CCDC187: variants seen among roughly 807,000 people sequenced by gnomAD.
CCDC187 encodes coiled-coil domain-containing protein 187.
In CCDC187, 32 loss-of-function variants were observed where a neutral mutation model predicts 38.0. The ratio of observed to expected loss-of-function variants is 0.84; its 90% CI spans 0.64 to 1.13. The LOEUF (loss-of-function observed/expected upper bound fraction) is 1.13. CCDC187 is among the 50% of genes most tolerant of loss of function. CCDC187 has a pLI of 0.00. For missense variants in CCDC187, 707 were observed against 786.8 expected (o/e 0.90, Z 1.21); for synonymous variants, 333 against 347.9 (o/e 0.96, Z 0.48).
rs1258473080 is a variant in CCDC187, at chr9:136,264,147, T to G, written c.3736-349A>C. The G allele has an allele frequency of 1.3e-5, 2 of 152,510 alleles. No individual in the cohort carries two copies. Among genetic ancestry groups the G allele is most frequent in the Admixed American group, 1.3e-4 (2 of 15,296 alleles). The allele number at this position is 152,510 out of a possible 1,614,324, so 9.4% of individuals were successfully genotyped here. ...GTCACTCCTTTACAACTGTTCTTTC[T>G]GTTCCCCACAGCGTCCCTGGTGGAC... On this transcript the variant is annotated intron_variant, in intron 17 of 25. Coordinates refer to ENST00000638797, the MANE Select transcript of CCDC187 (RefSeq NM_001378188.1). This position sits in a 1 kb window ranked among gnomAD's most constrained non-coding sequence, Gnocchi z 4.3.
At chr9:136,284,981 G>T (rs1248860391) in intron 9 of CCDC187, among the ~76,000 whole-genome samples, 1 of 152,126 alleles carries the variant, frequency 6.6e-6, no homozygotes, top group Non-Finnish European at 1.5e-5. Context: ...TCCCCCAGGG[G>T]GAGGGAGTTG....
rs1034916711 is a variant in CCDC187, at chr9:136,292,055, C to T, written c.967+106G>A. On this transcript the variant is annotated intron_variant, in intron 5 of 25. Coordinates refer to ENST00000638797, the MANE Select transcript of CCDC187 (RefSeq NM_001378188.1). ...TGCAGGCTGCTGTGAGAGGCGCCAACACCTCTTCCTTCCAGGCGGCCTGGA... is the reference window on the plus strand; with the variant it reads ...TGCAGGCTGCTGTGAGAGGCGCCAATACCTCTTCCTTCCAGGCGGCCTGGA... 1,379 of 398,086 alleles carry T rather than the reference C, an allele frequency of 3.5e-3. 7 individuals are homozygous for T. Among genetic ancestry groups the T allele is most frequent in the Non-Finnish European group, 3.9e-3 (882 of 226,046 alleles). The allele number at this position is 398,086 out of a possible 1,614,324, so 24.7% of individuals were successfully genotyped here.
intron 9 of CCDC187, among the ~76,000 whole-genome samples, chr9:136,284,435 G>A (rs986692272): frequency 8.5e-5 from 13 of 152,282 alleles, no homozygotes; most frequent in South Asian, 4.1e-4. Context: ...TGCTTGCCCC[G>A]CCCGTGGTGC....
At chr9:136,268,685 G>A (rs546551208) in intron 14 of CCDC187, among the ~76,000 whole-genome samples, 1 of 152,150 alleles carries the variant, frequency 6.6e-6, no homozygotes, top group Admixed American at 6.5e-5. Flanking sequence ...AAAAAATCAC[G>A]TAAATACACA....
intron 5 of CCDC187, among the ~76,000 whole-genome samples, chr9:136,291,922 G>A (rs1473345004): frequency 6.6e-6 from 1 of 152,220 alleles, no homozygotes; most frequent in Non-Finnish European, 1.5e-5. Context: ...TGCCTGCCCC[G>A]GGAACTGGCG....
At chr9:136,285,846 G>A in intron 8 of CCDC187, 1 of 397,124 alleles carries the variant, frequency 2.5e-6, no homozygotes, top group Non-Finnish European at 4.4e-6. Context: ...AGCTGCTGCG[G>A]GTGCCATGTG....
At chr9:136,299,734 C>T (rs1016076460) in intron 3 of CCDC187, among the ~76,000 whole-genome samples, 1 of 152,210 alleles carries the variant, frequency 6.6e-6, no homozygotes, top group South Asian at 2.1e-4. Context: ...GCCCTTGGCC[C>T]CAGCCCCTTC....
At chr9:136,256,166 C>T (rs1330387363) in intron 24 of CCDC187, 45 bp downstream of exon 24, 3 of 952,868 alleles carry the variant, frequency 3.1e-6, no homozygotes, top group East Asian at 1.2e-4. Flanking sequence ...AACCCGTCTC[C>T]GTGCCTCACG....
chr9:136,291,510 A>T lies in CCDC187; in HGVS notation c.1103T>A (p.Ile368Lys), dbSNP rs1476730354. ...SLASFDQPATIQTAMAILQDL... is the reference protein window; with the variant it reads ...SLASFDQPATKQTAMAILQDL... ...TTGTAGGATGGCCATGGCCGTCTGT[A>T]TGGTCGCTGGCTGGTCGAAGGAAGC... is the stretch of plus-strand genomic sequence containing the variant. Residue 368 changes from isoleucine (I) to lysine (K), a missense_variant, in exon 6 of 26, where the codon ATA becomes AAA. Transcript: ENST00000638797. The T allele has an allele frequency of 1.5e-5, 6 of 398,516 alleles. No homozygotes were observed. Among genetic ancestry groups the T allele is most frequent in the Non-Finnish European group, 2.7e-5 (6 of 226,132 alleles). 24.7% of individuals were successfully genotyped at this position (398,516 alleles called of 1,614,324 possible).
At position 136,300,249 on chromosome 9, in the gene CCDC187, A is replaced by G; in HGVS notation, c.695T>C (p.Leu232Pro). 2.5e-6 allele frequency: 1 copy of G among 398,644 alleles called. No individual in the cohort carries two copies. The highest frequency in any genetic ancestry group is 3.6e-5 in the East Asian group (1 of 28,082). 24.7% of individuals were successfully genotyped at this position (398,644 alleles called of 1,614,324 possible). Residue 232 changes from leucine (L) to proline (P), a missense_variant, in exon 3 of 26, where the codon CTC becomes CCC. Leu to Pro is a moderately conservative substitution (Grantham distance 98, BLOSUM62 -3). Transcript: ENST00000638797. ...AKASHGQGRELSRVSQHQVPV... is the reference protein window; with the variant it reads ...AKASHGQGREPSRVSQHQVPV... ...AACCTGGTGCTGGGAGACCCTGGAG[A>G]GCTCGCGCCCCTGGCCGTGGGATGC...
intron 7 of CCDC187, among the ~76,000 whole-genome samples, chr9:136,289,711 A>C (rs1372580536): frequency 6.6e-6 from 1 of 152,078 alleles, no homozygotes; most frequent in Non-Finnish European, 1.5e-5. Flanking sequence ...ATGCCACGGA[A>C]CGTGCACTTT....
intron 4 of CCDC187, among the ~76,000 whole-genome samples, chr9:136,293,381 A>ATG (rs1831411707): frequency 1.5e-5 from 2 of 137,710 alleles, no homozygotes; most frequent in Admixed American, 7.3e-5. Context: ...ACACACTCAC[A>ATG]CTCACATGCT....
rs1588678652 is a variant in CCDC187 at position 136,302,979 on chromosome 9, T to C, written c.458A>G (p.Glu153Gly). 2 of 398,728 alleles carry C rather than the reference T, an allele frequency of 5.0e-6. No homozygotes were observed. The highest frequency in any genetic ancestry group is 8.8e-6 in the Non-Finnish European group (2 of 226,170). The allele number at this position is 398,728 out of a possible 1,614,324, so 24.7% of individuals were successfully genotyped here. ...QRPRKSDARL[E>G]QLRDKIRAQA... is the part of the protein sequence containing the mutation. Reference sequence around the variant, plus strand: ...GGCCCGGATCTTGTCTCTCAGCTGCTCCAGCCGCGCGTCACTCTTTCTGGG... The same window carrying C: ...GGCCCGGATCTTGTCTCTCAGCTGCCCCAGCCGCGCGTCACTCTTTCTGGG... The change falls in exon 2 of 26, where the codon GAG becomes GGG. Residue 153 changes from glutamate (E) to glycine (G), a missense_variant. By Grantham distance (98) the Glu-to-Gly change is moderately conservative. Coordinates refer to ENST00000638797, the MANE Select transcript of CCDC187 (RefSeq NM_001378188.1).
At position 136,257,502 on chromosome 9, in the gene CCDC187, G is replaced by C. The variant is rs73560781; in HGVS notation, c.4367-661C>G. On this transcript the variant is annotated intron_variant, in intron 22 of 25. Coordinates refer to ENST00000638797, the MANE Select transcript of CCDC187 (RefSeq NM_001378188.1). The surrounding 1 kb of genome is among the most constrained non-coding windows in gnomAD (Gnocchi z 4.5). ...CCGACAGACACTGGTGTGAGGCAGG[G>C]GTGGTGCAGAGGGCCGGTGGGGGGC... Among the ~76,000 whole-genome samples, 2,451 of 152,252 alleles carry C rather than the reference G, an allele frequency of 0.016. 31 individuals are homozygous for C. The highest frequency in any genetic ancestry group is 0.028 in the South Asian group (134 of 4,822).
chr9:136,280,769 C>A (rs1300511057), intron 10 of CCDC187, among the ~76,000 whole-genome samples: 1 of 152,194 alleles, frequency 6.6e-6, no homozygotes, highest in Non-Finnish European at 1.5e-5. Context: ...GGGCTCCGCC[C>A]ACTCCCCCAG....
intron 3 of CCDC187, among the ~76,000 whole-genome samples, chr9:136,299,114 A>G (rs985528280): frequency 2.2e-4 from 34 of 152,224 alleles, no homozygotes; most frequent in African/African-American, 8.2e-4. Context: ...GTCCCCCTGG[A>G]AGGCGGAGGA....
intron 2 of CCDC187, among the ~76,000 whole-genome samples, chr9:136,301,508 C>T (rs2131365676): frequency 6.6e-6 from 1 of 151,896 alleles, no homozygotes; most frequent in Admixed American, 6.5e-5. Flanking sequence ...GGCTGCAGGA[C>T]CGTGAATGTG....
chr9:136,291,382 T>TC lies in CCDC187; in HGVS notation c.1230dup (p.Arg411GlufsTer15). On this transcript the variant is annotated frameshift_variant, in exon 6 of 26. Transcript: ENST00000638797. LOFTEE classifies it high-confidence loss of function. The stretch of plus-strand genomic sequence containing the variant: ...GCATTGGGGTCCCTGCAGCAGCCCC[T>TC]CCCTGCCACGTCCTGCAGCCTCCGC... 5.0e-6 allele frequency: 2 copies of TC among 398,976 alleles called. No individual in the cohort carries two copies. Among genetic ancestry groups the TC allele is most frequent in the Non-Finnish European group, 8.8e-6 (2 of 226,342 alleles). The allele number at this position is 398,976 out of a possible 1,614,324, so 24.7% of individuals were successfully genotyped here.
chr9:136,259,119 G>T, intron 21 of CCDC187, 118 bp from the exon 22 acceptor site: 2 of 819,244 alleles, frequency 2.4e-6, no homozygotes, highest in Non-Finnish European at 2.9e-6. Context: ...GATGGGGACA[G>T]CCGGGGGCGG....
Sources: allele counts gnomAD v4.1 joint callset (sites outside exome capture counted in the v4.1 genomes callset), GRCh38; gene constraint gnomAD v4.1.1; non-coding constraint Gnocchi (gnomAD v3.1); transcripts MANE v1.5; gene names NCBI Gene and HGNC (gene_info 2026-07-23, HGNC 2026-07-21).